Variants in TPPP observed in about 807,000 individuals in gnomAD.
The protein encoded by TPPP is tubulin polymerization promoting protein.
In TPPP, 6 loss-of-function variants were observed where a neutral mutation model predicts 15.5. That is an observed-to-expected ratio of 0.39 (90% CI 0.21 to 0.77). The LOEUF (loss-of-function observed/expected upper bound fraction) is 0.77, where lower values mean the gene tolerates loss of function less well. Among genes scored for constraint, TPPP ranks in the 30% least tolerant of loss-of-function variants. TPPP has a pLI of 0.42. For missense variants in TPPP, 269 were observed against 307.2 expected, an observed-to-expected ratio of 0.88 and a Z score of 0.93; for synonymous variants, 146 against 133.9, an observed-to-expected ratio of 1.09 and a Z score of -0.63.
chr5:674,769 C>A (rs1443885156), intron 2 of TPPP, among the ~76,000 whole-genome samples: 1 of 151,858 alleles, frequency 6.6e-6, no homozygotes, highest in Non-Finnish European at 1.5e-5. Context: ...CAGGCAGAGG[C>A]TGCAGGTTTC....
intron 1 of TPPP, among the ~76,000 whole-genome samples, chr5:684,327 G>T (rs758170137): frequency 6.6e-6 from 1 of 152,198 alleles, no homozygotes; most frequent in African/African-American, 2.4e-5. Context: ...CCTTGTAGGC[G>T]CCTGGCCAGC....
chr5:675,047 A>G (rs1245426820), intron 2 of TPPP, among the ~76,000 whole-genome samples: 3 of 24,398 alleles, frequency 1.2e-4, no homozygotes, highest in South Asian at 2.1e-3. Context: ...GGGGTACAGT[A>G]TGGCTGGGGG....
chr5:699,075 T>C, the TPPP span, among the ~76,000 whole-genome samples: 33,249 of 150,548 alleles, frequency 0.22, 2,694 homozygotes, highest in African/African-American at 0.29. Context: ...TTGTTAAAAA[T>C]TATCATACTG....
chr5:669,334 T>TG (rs1274091085), intron 2 of TPPP, among the ~76,000 whole-genome samples: 2 of 152,240 alleles, frequency 1.3e-5, no homozygotes, highest in East Asian at 3.9e-4. Context: ...TCCGCGGTGT[T>TG]GGGGGTGGAT....
chr5:680,535 C>T (rs1355316445), intron 1 of TPPP, among the ~76,000 whole-genome samples: 7 of 146,778 alleles, frequency 4.8e-5, no homozygotes, highest in South Asian at 2.4e-4. Context: ...AACCCATGGC[C>T]GTCACACGGG....
upstream of TPPP, among the ~76,000 whole-genome samples, chr5:698,137 C>T (rs1449808916): frequency 4.0e-5 from 6 of 150,232 alleles, no homozygotes; most frequent in Non-Finnish European, 8.9e-5. Context: ...AAATTCTCAA[C>T]AAATGAGGCA....
intron 1 of TPPP, among the ~76,000 whole-genome samples, chr5:681,510 C>T (rs402485): frequency 0.47 from 71,562 of 152,076 alleles, 17,764 homozygotes; most frequent in South Asian, 0.57. Context: ...TGTGCACCTG[C>T]ACCCTCTCCC....
chr5:665,042 C>T lies in TPPP; in HGVS notation c.*60G>A, dbSNP rs1739835657. The T allele has an allele frequency of 5.8e-6, 9 of 1,548,864 alleles. No homozygotes were observed. In the Admixed American group the frequency reaches 6.9e-5, roughly 12 times the overall value. ...GTTAGTACAGGAATGTAATGAAGTG[C>T]GAGGTGACAGAGTCCCTGCTCTGGG... On this transcript the variant is annotated 3_prime_UTR_variant, in exon 4 of 4. Coordinates refer to ENST00000360578, the MANE Select transcript of TPPP (RefSeq NM_007030.3).
chr5:681,825 C>G (rs959072182), intron 1 of TPPP, among the ~76,000 whole-genome samples: 5 of 152,248 alleles, frequency 3.3e-5, no homozygotes, highest in Admixed American at 2.0e-4. Flanking sequence ...CCACAGACCT[C>G]AGAGTGGGGC....
At chr5:684,206 A>G (rs923952030) in intron 1 of TPPP, among the ~76,000 whole-genome samples, 1 of 152,220 alleles carries the variant, frequency 6.6e-6, no homozygotes, top group African/African-American at 2.4e-5. Context: ...CCAGTGCTCC[A>G]TCATGACCTG....
Position 665,096 on chromosome 5 carries a change from C to G in TPPP, c.*6G>C, listed in dbSNP as rs755485475. The G allele has an allele frequency of 2.5e-6, 4 of 1,607,450 alleles. No homozygotes were observed. Among genetic ancestry groups the G allele is most frequent in the Non-Finnish European group, 3.4e-6 (4 of 1,179,320 alleles). On this transcript the variant is annotated 3_prime_UTR_variant, in exon 4 of 4. Coordinates refer to ENST00000360578, the MANE Select transcript of TPPP (RefSeq NM_007030.3). The stretch of plus-strand genomic sequence containing the variant: ...ACCGGCAGTGCCGCGAGGCATGGAG[C>G]GGGGGCTACTTGCCCCCTTGCACCT...
chr5:675,465 G>GGTGGTGCAGTGTGGCCA (rs1740392956), intron 2 of TPPP, among the ~76,000 whole-genome samples: 1 of 45,448 alleles, frequency 2.2e-5, no homozygotes, highest in Non-Finnish European at 3.7e-5. Flanking sequence ...GTGCAGCACA[G>GGTGGTGCAGTGTGGCCA]GGGGTGCAGT....
chr5:683,432 C>T (rs1242977725), intron 1 of TPPP, among the ~76,000 whole-genome samples: 5 of 152,342 alleles, frequency 3.3e-5, no homozygotes, highest in South Asian at 2.1e-4. Flanking sequence ...CCAGGAGCCC[C>T]GCGTGCTTCT....
At position 663,136 on chromosome 5, in the gene TPPP, G is replaced by A. The variant is rs1339035743; in HGVS notation, c.*1966C>T. The A allele has an allele frequency of 8.4e-6, 1 of 118,522 alleles. No individual in the cohort carries two copies. Among genetic ancestry groups the A allele is most frequent in the Non-Finnish European group, 1.9e-5 (1 of 53,956 alleles). 7.3% of individuals were successfully genotyped at this position (118,522 alleles called of 1,614,324 possible). ...TCGTCTGTGATCGGGCGATTCCGGT[G>A]ACCGCTCGTCTGTGATCGGGTGAGT... On this transcript the variant is annotated 3_prime_UTR_variant, in exon 4 of 4. Coordinates refer to ENST00000360578, the MANE Select transcript of TPPP (RefSeq NM_007030.3).
chr5:673,799 A>G (rs924200844), intron 2 of TPPP, among the ~76,000 whole-genome samples: 5 of 152,184 alleles, frequency 3.3e-5, no homozygotes, highest in African/African-American at 1.2e-4. Flanking sequence ...GCCTCTGGGA[A>G]CAGGCCCAGA....
At chr5:686,369 G>C (rs1272316813) in intron 1 of TPPP, among the ~76,000 whole-genome samples, 6 of 151,826 alleles carry the variant, frequency 4.0e-5, no homozygotes, top group African/African-American at 1.4e-4. Context: ...GGTTACAGGA[G>C]AAAACAGCCG....
the TPPP span, among the ~76,000 whole-genome samples, chr5:700,595 T>C: frequency 6.6e-6 from 1 of 152,032 alleles, no homozygotes; most frequent in Non-Finnish European, 1.5e-5. Flanking sequence ...ATAAATATTT[T>C]AAAACTCTGT....
chr5:687,256 C>G (rs548911539), intron 1 of TPPP, among the ~76,000 whole-genome samples: 1 of 140,346 alleles, frequency 7.1e-6, no homozygotes, highest in African/African-American at 2.7e-5. Context: ...GTGTTAACCC[C>G]GGACTGTGTC....
chr5:676,876 A>ACGCG (rs1740457648), intron 2 of TPPP, among the ~76,000 whole-genome samples: 5 of 139,808 alleles, frequency 3.6e-5, no homozygotes, highest in African/African-American at 1.3e-4. Context: ...ACGCAGAAAC[A>ACGCG]TGCACACACG....
Sources: allele counts gnomAD v4.1 joint callset (sites outside exome capture counted in the v4.1 genomes callset), GRCh38; gene constraint gnomAD v4.1.1; transcripts MANE v1.5; gene names NCBI Gene and HGNC (gene_info 2026-07-23, HGNC 2026-07-21).